Variants in SDK1 observed in about 807,000 individuals in gnomAD.
The protein encoded by SDK1 is sidekick cell adhesion molecule 1, also known as protein sidekick-1.
Under a neutral mutation model 245.5 loss-of-function variants are expected in SDK1, and 157 were observed. That is an observed-to-expected ratio of 0.64 (90% CI 0.56 to 0.73). SDK1 has a LOEUF of 0.73. Ranked by LOEUF, SDK1 falls within the 30% of genes least tolerant of loss-of-function variation. The probability of loss-of-function intolerance (pLI) is 0.00; values close to 1 mark genes in which losing one functional copy is unlikely to be tolerated. For missense variants in SDK1, 3,583 were observed against 3,002.3 expected, an observed-to-expected ratio of 1.19 and a Z score of -4.52; for synonymous variants, 1,647 against 1,278.5, an observed-to-expected ratio of 1.29 and a Z score of -6.15.
At chr7:3,819,260 A>G (rs1779586545) in intron 4 of SDK1, among the ~76,000 whole-genome samples, 1 of 151,730 alleles carries the variant, frequency 6.6e-6, no homozygotes, top group African/African-American at 2.4e-5. Flanking sequence ...TTTGGCTTAA[A>G]CCTTTATAGA....
chr7:4,265,328 A>ACC lies in SDK1; in HGVS notation c.6590_6591dup (p.Ala2198ProfsTer46). 1 of 1,497,798 alleles carries ACC rather than the reference A, an allele frequency of 6.7e-7. No individual in the cohort carries two copies. The highest frequency in any genetic ancestry group is 1.3e-5 in the South Asian group (1 of 75,844). 92.8% of individuals were successfully genotyped at this position (1,497,798 alleles called of 1,614,324 possible). ...CACGCAGAGCGCGGGCGGCGTCTACACCCCCGCTGGCCCCGGCGCGCGAAC... is the reference window on the plus strand; with the variant it reads ...CACGCAGAGCGCGGGCGGCGTCTACACCCCCCCGCTGGCCCCGGCGCGCGAAC... On this transcript the variant is annotated frameshift_variant, in exon 45 of 45. Transcript: ENST00000404826. LOFTEE classifies it high-confidence loss of function.
chr7:3,902,669 A>G (rs1040407538), intron 5 of SDK1, among the ~76,000 whole-genome samples: 19 of 152,356 alleles, frequency 1.2e-4, no homozygotes, highest in African/African-American at 3.8e-4. Context: ...GTATAGTTCA[A>G]AAGTCTAAAT....
At chr7:3,617,741 C>T (rs1244027722) in intron 1 of SDK1, among the ~76,000 whole-genome samples, 2 of 152,114 alleles carry the variant, frequency 1.3e-5, no homozygotes, top group Non-Finnish European at 2.9e-5. Context: ...ATAACTAACT[C>T]CCTCCCACAG....
At chr7:3,701,924 C>CAAAAAAAAAAAAAAAAAA (rs58687135) in intron 4 of SDK1, among the ~76,000 whole-genome samples, 1 of 85,682 alleles carries the variant, frequency 1.2e-5, no homozygotes, top group Non-Finnish European at 2.5e-5. Flanking sequence ...CGTGCATAAG[C>CAAAAAAAAAAAAAAAAAA]AAAAAAAAAA....
intron 1 of SDK1, among the ~76,000 whole-genome samples, chr7:3,317,718 A>G (rs1331147914): frequency 6.6e-6 from 1 of 152,200 alleles, no homozygotes; most frequent in Non-Finnish European, 1.5e-5. Context: ...TGTTTAGGAT[A>G]TGAGCATTGT....
intron 14 of SDK1, among the ~76,000 whole-genome samples, chr7:3,996,768 G>A (rs1276130890): frequency 2.0e-5 from 3 of 152,080 alleles, no homozygotes; most frequent in African/African-American, 4.8e-5. Flanking sequence ...CAAGGTAGAC[G>A]ATCATATCTT....
intron 17 of SDK1, among the ~76,000 whole-genome samples, chr7:4,022,066 C>T: frequency 6.6e-6 from 1 of 152,166 alleles, no homozygotes; most frequent in East Asian, 1.9e-4. Context: ...GTACCCCCAG[C>T]TATTAGCACT....
intron 1 of SDK1, among the ~76,000 whole-genome samples, chr7:3,474,298 G>A (rs1436602312): frequency 6.6e-6 from 1 of 151,606 alleles, no homozygotes; most frequent in African/African-American, 2.4e-5. Flanking sequence ...GTTTCACCAT[G>A]TTGGCCAGGA....
Position 4,245,749 on chromosome 7 carries a change from G to T in SDK1, c.6325G>T (p.Val2109Leu), listed in dbSNP as rs148198234. The change falls in exon 44 of 45, where the codon GTG becomes TTG. Residue 2109 changes from valine to leucine, a missense_variant. Val to Leu is a conservative substitution (Grantham distance 32). Transcript: ENST00000404826. ...CATCTGCAACAAGTACAACGGCGCC[G>T]TGCTGACCGAGAGCGTGAGCCTCAA... ...EDICNKYNGA[V>L]LTESVSLKEK... 3 of 1,613,922 alleles carry T rather than the reference G, an allele frequency of 1.9e-6. No individual in the cohort carries two copies. Among genetic ancestry groups the T allele is most frequent in the Non-Finnish European group, 1.7e-6 (2 of 1,179,980 alleles).
At chr7:3,963,744 A>G (rs1470641065) in intron 9 of SDK1, among the ~76,000 whole-genome samples, 2 of 149,336 alleles carry the variant, frequency 1.3e-5, no homozygotes, top group South Asian at 2.2e-4. Flanking sequence ...ATTCAGCCCC[A>G]TGGCTATCTG....
At chr7:3,646,360 T>C (rs1257279829) in intron 4 of SDK1, among the ~76,000 whole-genome samples, 1 of 152,224 alleles carries the variant, frequency 6.6e-6, no homozygotes, top group East Asian at 1.9e-4. Flanking sequence ...GTCTAATGTT[T>C]TCTAACTTGA....
Position 3,433,768 on chromosome 7 carries a change from T to C in SDK1, c.298+131884T>C, listed in dbSNP as rs534440410. Among the ~76,000 whole-genome samples the C allele has an allele frequency of 4.6e-5, 7 of 152,142 alleles. No individual in the cohort carries two copies. In the South Asian group the frequency reaches 1.5e-3, roughly 32 times the overall value. On this transcript the variant is annotated intron_variant, in intron 1 of 44. Coordinates refer to ENST00000404826, the MANE Select transcript of SDK1 (RefSeq NM_152744.4). ...GTGCTTGGAGGAAAAAAGAATACTATTGTAAATTTGAGACGTTCTCATCTT... is the reference window on the plus strand; with the variant it reads ...GTGCTTGGAGGAAAAAAGAATACTACTGTAAATTTGAGACGTTCTCATCTT...
chr7:3,760,737 C>G (rs73672166), intron 4 of SDK1, among the ~76,000 whole-genome samples: 3,946 of 152,286 alleles, frequency 0.026, 168 homozygotes, highest in African/African-American at 0.092. Context: ...CTGGCAACCA[C>G]TGATCTGTTT....
chr7:3,908,020 T>A lies in SDK1; in HGVS notation c.848-42903T>A, dbSNP rs10251860. On this transcript the variant is annotated intron_variant, in intron 5 of 44. Coordinates refer to ENST00000404826, the MANE Select transcript of SDK1 (RefSeq NM_152744.4). ...TACTGAACCAATACTCATTCCTGCT[T>A]TGATACATTGTTTCCTGAGCCTTCT... 7.7e-3 allele frequency among the ~76,000 whole-genome samples: 1,166 copies of A among 152,284 alleles called. 19 individuals are homozygous for A. The highest frequency in any genetic ancestry group is 0.027 in the African/African-American group (1,106 of 41,570).
intron 1 of SDK1, among the ~76,000 whole-genome samples, chr7:3,438,431 C>T (rs1780093648): frequency 6.6e-6 from 1 of 152,156 alleles, no homozygotes; most frequent in South Asian, 2.1e-4. Flanking sequence ...ATGAGAGAAG[C>T]TTCATAAATG....
intron 4 of SDK1, among the ~76,000 whole-genome samples, chr7:3,645,035 C>T (rs2128653692): frequency 6.6e-6 from 1 of 152,220 alleles, no homozygotes; most frequent in South Asian, 2.1e-4. Flanking sequence ...TTCAACTTAG[C>T]AGCAAATAAG....
rs183358031 is a variant in SDK1, at chr7:4,039,894, G to C, written c.2603-9454G>C. ...TTTTAATAAGGAACACCTAATACCA[G>C]ATAATAATTATAAACATAATCATAC... On this transcript the variant is annotated intron_variant, in intron 17 of 44. Coordinates refer to ENST00000404826, the MANE Select transcript of SDK1 (RefSeq NM_152744.4). Among the ~76,000 whole-genome samples the C allele has an allele frequency of 4.3e-3, 647 of 151,090 alleles. 8 individuals carry two copies. The highest frequency in any genetic ancestry group is 0.015 in the African/African-American group (623 of 40,628).
intron 1 of SDK1, among the ~76,000 whole-genome samples, chr7:3,610,770 C>T (rs184456153): frequency 1.5e-4 from 23 of 152,312 alleles, no homozygotes; most frequent in African/African-American, 5.3e-4. Context: ...AACAGAGAAT[C>T]AGTTTGACTT....
intron 4 of SDK1, among the ~76,000 whole-genome samples, chr7:3,687,035 A>C (rs1200494738): frequency 6.8e-6 from 1 of 146,086 alleles, no homozygotes; most frequent in Non-Finnish European, 1.5e-5. Flanking sequence ...GAATCTCCAA[A>C]CTGGGTTGGG....
Sources: allele counts gnomAD v4.1 joint callset (sites outside exome capture counted in the v4.1 genomes callset), GRCh38; gene constraint gnomAD v4.1.1; transcripts MANE v1.5; gene names NCBI Gene and HGNC (gene_info 2026-07-23, HGNC 2026-07-21).